The following OR9Q1 variants were observed in gnomAD, a reference collection of about 807,000 sequenced individuals.
OR9Q1 encodes olfactory receptor family 9 subfamily Q member 1.
For synonymous variants in OR9Q1, 153 were observed against 148.6 expected, an observed-to-expected ratio of 1.03 and a Z score of -0.22; for missense variants, 374 against 378.8, an observed-to-expected ratio of 0.99 and a Z score of 0.11.
intron 2 of OR9Q1, among the ~76,000 whole-genome samples, chr11:58,081,926 A>G (rs1853591400): frequency 6.6e-6 from 1 of 152,080 alleles, no homozygotes; most frequent in Non-Finnish European, 1.5e-5. Context: ...TCTATCAGAT[A>G]AAATGATCAG....
At chr11:58,174,954 A>G (rs1325670227) in intron 2 of OR9Q1, among the ~76,000 whole-genome samples, 1 of 151,388 alleles carries the variant, frequency 6.6e-6, no homozygotes, top group African/African-American at 2.4e-5. Flanking sequence ...AGAAATAAAA[A>G]CATTAGCTGG....
intron 2 of OR9Q1, among the ~76,000 whole-genome samples, chr11:58,090,669 G>A (rs943187295): frequency 2.0e-5 from 3 of 152,144 alleles, no homozygotes; most frequent in South Asian, 2.1e-4. Context: ...AATGAGTTAG[G>A]GAGGAGTCCC....
chr11:58,160,903 GA>G (rs1164438852), intron 2 of OR9Q1, among the ~76,000 whole-genome samples: 1 of 152,174 alleles, frequency 6.6e-6, no homozygotes, highest in African/African-American at 2.4e-5. Context: ...GACCGAACAA[GA>G]GATTTCACTT....
intron 2 of OR9Q1, among the ~76,000 whole-genome samples, chr11:58,128,622 G>A (rs2119835657): frequency 6.6e-6 from 1 of 152,144 alleles, no homozygotes; most frequent in Admixed American, 6.5e-5. Context: ...CTCAGAGTGG[G>A]AAATTTACTT....
At chr11:58,167,353 T>C (rs1422930191) in intron 2 of OR9Q1, among the ~76,000 whole-genome samples, 40 of 152,222 alleles carry the variant, frequency 2.6e-4, no homozygotes, top group Admixed American at 2.6e-3. Context: ...ACTCAATTTC[T>C]TTAATTTCTG....
At chr11:58,084,589 C>T (rs1019372435) in intron 2 of OR9Q1, among the ~76,000 whole-genome samples, 7 of 151,966 alleles carry the variant, frequency 4.6e-5, no homozygotes, top group Non-Finnish European at 1.0e-4. Context: ...AAAGTTAATA[C>T]ACCATGATCA....
At chr11:58,165,033 T>G (rs529599759) in intron 2 of OR9Q1, among the ~76,000 whole-genome samples, 128 of 152,378 alleles carry the variant, frequency 8.4e-4, no homozygotes, top group African/African-American at 3.1e-3. Context: ...CTTTCTTTTC[T>G]GCTGTATTTT....
At chr11:58,111,607 G>C (rs1347912388) in intron 2 of OR9Q1, among the ~76,000 whole-genome samples, 1 of 152,060 alleles carries the variant, frequency 6.6e-6, no homozygotes, top group African/African-American at 2.4e-5. Flanking sequence ...AAATTAGAAC[G>C]TTGAAGGTAT....
At chr11:58,132,835 AT>A (rs1854155076) in intron 2 of OR9Q1, among the ~76,000 whole-genome samples, 1 of 152,206 alleles carries the variant, frequency 6.6e-6, no homozygotes, top group Non-Finnish European at 1.5e-5. Context: ...GAGAAGCCTA[AT>A]TAGAAGCTTA....
At position 58,111,887 on chromosome 11, in the gene OR9Q1, G is replaced by C. The variant is rs1028837333; in HGVS notation, c.-15+55940G>C. On this transcript the variant is annotated intron_variant, in intron 2 of 2. Transcript: ENST00000335397. ...TTATTTAGCCACGAGTCCTTTTTGG[G>C]GGGGGTGGGCATGGAAATTTTGAGG... is the stretch of plus-strand genomic sequence containing the variant. Among the ~76,000 whole-genome samples, 11 of 150,806 alleles carry C rather than the reference G, an allele frequency of 7.3e-5. No homozygotes were observed. The East Asian group carries it at 1.2e-3, about 16-fold the overall frequency.
chr11:58,054,571 A>C (rs980530794), intron 1 of OR9Q1, among the ~76,000 whole-genome samples: 5 of 152,246 alleles, frequency 3.3e-5, no homozygotes, highest in African/African-American at 9.6e-5. Flanking sequence ...AAGTGCATGA[A>C]AATACTTGTG....
chr11:58,146,846 T>G (rs931783635), intron 2 of OR9Q1, among the ~76,000 whole-genome samples: 1 of 152,168 alleles, frequency 6.6e-6, no homozygotes, highest in Middle Eastern at 3.2e-3. Flanking sequence ...GGCTGTAGCA[T>G]GAGGGAGCAG....
intron 2 of OR9Q1, among the ~76,000 whole-genome samples, chr11:58,114,898 G>A (rs892910026): frequency 4.4e-4 from 67 of 152,218 alleles, no homozygotes; most frequent in African/African-American, 1.5e-3. Flanking sequence ...TGGGACTTCC[G>A]GCTGCAATGG....
chr11:58,099,597 T>G (rs76101438), intron 2 of OR9Q1, among the ~76,000 whole-genome samples: 1 of 152,286 alleles, frequency 6.6e-6, no homozygotes, highest in East Asian at 1.9e-4. Context: ...CCCATTTGTG[T>G]CCTTTTCCTT....
chr11:58,103,655 G>GT (rs1430876769), intron 2 of OR9Q1, among the ~76,000 whole-genome samples: 1 of 151,760 alleles, frequency 6.6e-6, no homozygotes, highest in African/African-American at 2.4e-5. Flanking sequence ...TTTTGTTTTT[G>GT]TTTTTTACTT....
intron 2 of OR9Q1, among the ~76,000 whole-genome samples, chr11:58,178,941 T>A (rs1854631425): frequency 1.0e-5 from 1 of 97,670 alleles, no homozygotes; most frequent in African/African-American, 2.9e-5. Context: ...TATTTATATA[T>A]AATATATATT....
At chr11:58,034,803 T>C (rs11229219) in intron 1 of OR9Q1, among the ~76,000 whole-genome samples, 31 of 137,134 alleles carry the variant, frequency 2.3e-4, no homozygotes, top group Non-Finnish European at 4.0e-4. Flanking sequence ...CCTTCCTTCC[T>C]TCCTTCCTTC....
chr11:58,028,297 AC>A (rs1397081757), intron 1 of OR9Q1, among the ~76,000 whole-genome samples: 1 of 152,156 alleles, frequency 6.6e-6, no homozygotes, highest in African/African-American at 2.4e-5. Context: ...TGTTTGCTTG[AC>A]CTGCATACAA....
At chr11:58,173,311 A>G (rs1209243007) in intron 2 of OR9Q1, among the ~76,000 whole-genome samples, 10 of 103,872 alleles carry the variant, frequency 9.6e-5, no homozygotes, top group African/African-American at 3.9e-4. Context: ...AACAGTCCCC[A>G]GTGTGTGATG....
Sources: gnomAD v4.1 joint callset for allele counts (sites outside exome capture counted in the v4.1 genomes callset) on GRCh38, gnomAD v4.1.1 for gene constraint, MANE v1.5 for transcripts, NCBI Gene and HGNC (gene_info 2026-07-23, HGNC 2026-07-21) for gene names.